Variants in TP63 observed in about 807,000 individuals in gnomAD.
The protein encoded by TP63 is tumor protein 63.
TP63 carries 17 observed loss-of-function variants against 82.8 expected under a neutral mutation model. The ratio of observed to expected loss-of-function variants is 0.21; its 90% CI spans 0.14 to 0.31. The LOEUF (loss-of-function observed/expected upper bound fraction) is 0.31, where lower values mean the gene tolerates loss of function less well. Ranked by LOEUF, TP63 falls within the 10% of genes least tolerant of loss-of-function variation. TP63 has a pLI of 1.00. For missense variants in TP63, 648 were observed against 895.3 expected, an observed-to-expected ratio of 0.72 and a Z score of 3.52; for synonymous variants, 330 against 321.7, an observed-to-expected ratio of 1.03 and a Z score of -0.28.
At chr3:189,642,572 G>A (rs1415378664) in intron 1 of TP63, among the ~76,000 whole-genome samples, 1 of 151,990 alleles carries the variant, frequency 6.6e-6, no homozygotes, top group Non-Finnish European at 1.5e-5. Context: ...ATAAAGAAGA[G>A]TGATAATAGT....
chr3:189,806,165 C>T lies in TP63; in HGVS notation c.325-2107C>T, dbSNP rs139100508. Among the ~76,000 whole-genome samples the T allele has an allele frequency of 6.5e-3, 860 of 132,914 alleles. 7 individuals are homozygous for T. The highest frequency in any genetic ancestry group is 9.6e-3 in the Non-Finnish European group (625 of 65,236). 87.2% of individuals were successfully genotyped at this position (132,914 alleles called of 152,430 possible). On this transcript the variant is annotated intron_variant, in intron 3 of 13. Transcript: ENST00000264731. ...AGTGTGGTCCCAAAACTTTTTTCTTCGTTTATATTGGGTTAAAAAAAAAAT... is the reference window on the plus strand; with the variant it reads ...AGTGTGGTCCCAAAACTTTTTTCTTTGTTTATATTGGGTTAAAAAAAAAAT...
intron 4 of TP63, among the ~76,000 whole-genome samples, chr3:189,816,649 T>C (rs1728215591): frequency 6.6e-6 from 1 of 152,166 alleles, no homozygotes; most frequent in African/African-American, 2.4e-5. Flanking sequence ...TTCCAATTCT[T>C]CAAAATTAAA....
intron 3 of TP63, among the ~76,000 whole-genome samples, chr3:189,755,708 T>C (rs1237042054): frequency 6.6e-6 from 1 of 152,178 alleles, no homozygotes; most frequent in East Asian, 1.9e-4. Context: ...TTTTCATGAA[T>C]CTTGTTTTTT....
At chr3:189,768,063 G>A (rs1316883308) in intron 3 of TP63, among the ~76,000 whole-genome samples, 1 of 152,086 alleles carries the variant, frequency 6.6e-6, no homozygotes, top group Non-Finnish European at 1.5e-5. Context: ...TTTATTTTAA[G>A]AACTAGGTAC....
chr3:189,848,947 A>G (rs1178874875), intron 4 of TP63, among the ~76,000 whole-genome samples: 1 of 152,198 alleles, frequency 6.6e-6, no homozygotes, highest in African/African-American at 2.4e-5. Context: ...CAAAGGCACA[A>G]TTAGAGAGTC....
intron 1 of TP63, among the ~76,000 whole-genome samples, chr3:189,692,874 A>C (rs909722383): frequency 3.9e-5 from 6 of 152,186 alleles, no homozygotes; most frequent in African/African-American, 1.4e-4. Flanking sequence ...GCATGGATTA[A>C]ATCACTGTGG....
rs778551905 is a variant in TP63, at chr3:189,872,940, A to G, written c.1294A>G (p.Ile432Val). ...CATGCAGTACCTTCCTCAGCACACA[A>G]TTGAAACGTACAGGCAACAGCAACA... The part of the protein sequence containing the change: ...ELMQYLPQHT[I>V]ETYRQQQQQQ... Residue 432 changes from isoleucine to valine, a missense_variant, in exon 10 of 14, where the codon ATT (isoleucine) becomes GTT (valine). By Grantham distance (29) the Ile-to-Val change is conservative (BLOSUM62 3). Around this residue, in one of 5 missense-constraint regions of TP63, gnomAD observed 342 missense variants for 425.7 expected, o/e 0.80. Transcript: ENST00000264731. The G allele has an allele frequency of 1.2e-6, 2 of 1,614,148 alleles. No individual in the cohort carries two copies. Among genetic ancestry groups the G allele is most frequent in the Admixed American group, 1.7e-5 (1 of 60,020 alleles).
At chr3:189,845,418 C>G (rs935573583) in intron 4 of TP63, among the ~76,000 whole-genome samples, 5 of 152,016 alleles carry the variant, frequency 3.3e-5, no homozygotes, top group African/African-American at 9.7e-5. Context: ...TTTCTTATAA[C>G]AGTGATGAGA....
At chr3:189,789,662 A>G in intron 3 of TP63, 1 of 1,446,276 alleles carries the variant, frequency 6.9e-7, no homozygotes, top group Non-Finnish European at 9.1e-7. Flanking sequence ...TTATGTACAG[A>G]GAGAGAAAGA....
intron 3 of TP63, among the ~76,000 whole-genome samples, chr3:189,755,127 T>C (rs1162191225): frequency 1.3e-5 from 2 of 152,164 alleles, no homozygotes; most frequent in African/African-American, 4.8e-5. Flanking sequence ...GTGTTTCTCA[T>C]TGATCTCAGA....
At chr3:189,643,175 A>G (rs1164324117) in intron 1 of TP63, among the ~76,000 whole-genome samples, 1 of 151,822 alleles carries the variant, frequency 6.6e-6, no homozygotes, top group Admixed American at 6.6e-5. Context: ...CTAATTTTGT[A>G]TTTTTAGTAG....
At chr3:189,629,941 T>G (rs1352946491), upstream of TP63, among the ~76,000 whole-genome samples, 1 of 152,154 alleles carries the variant, frequency 6.6e-6, no homozygotes, top group East Asian at 1.9e-4. Context: ...CCCTTTAAGT[T>G]TTACATTTTG....
chr3:189,697,434 T>C (rs183939562), intron 1 of TP63, among the ~76,000 whole-genome samples: 5 of 152,196 alleles, frequency 3.3e-5, no homozygotes, highest in Admixed American at 3.3e-4. Flanking sequence ...CAATACCAAA[T>C]GTCTTGATTA....
intron 3 of TP63, among the ~76,000 whole-genome samples, chr3:189,749,579 C>G (rs1314831677): frequency 6.6e-6 from 1 of 152,084 alleles, no homozygotes; most frequent in African/African-American, 2.4e-5. Context: ...CTCGTATTCA[C>G]TGTTGGTAGG....
chr3:189,692,772 C>T (rs1006645350), intron 1 of TP63, among the ~76,000 whole-genome samples: 6 of 152,138 alleles, frequency 3.9e-5, no homozygotes, highest in African/African-American at 1.4e-4. Context: ...GAGCAATGAC[C>T]TGTCAAAAGC....
At chr3:189,738,918 A>T in intron 3 of TP63, 144 bp downstream of exon 3, 1 of 1,266,038 alleles carries the variant, frequency 7.9e-7, no homozygotes. Flanking sequence ...GTTAGCTGAG[A>T]GAAGATTTGG....
intron 4 of TP63, among the ~76,000 whole-genome samples, chr3:189,827,189 C>A (rs148259407): frequency 7.4e-4 from 113 of 152,308 alleles, no homozygotes; most frequent in African/African-American, 2.5e-3. Context: ...TCAAGAAGGG[C>A]AAACTGATAA....
intron 3 of TP63, among the ~76,000 whole-genome samples, chr3:189,790,164 C>T (rs938371807): frequency 1.3e-5 from 2 of 152,024 alleles, no homozygotes; most frequent in Admixed American, 1.3e-4. Flanking sequence ...CTGCTAGATA[C>T]ATTGCAATGA....
chr3:189,727,494 A>C (rs910959010), intron 1 of TP63, among the ~76,000 whole-genome samples: 4 of 152,232 alleles, frequency 2.6e-5, no homozygotes, highest in African/African-American at 9.6e-5. Flanking sequence ...TAATAAGTTA[A>C]GAGTTTGGAC....
Sources: allele counts gnomAD v4.1 joint callset (sites outside exome capture counted in the v4.1 genomes callset), GRCh38; gene constraint gnomAD v4.1.1; regional missense constraint gnomAD v4.1.1; transcripts MANE v1.5; gene names NCBI Gene and HGNC (gene_info 2026-07-23, HGNC 2026-07-21).